Variants in SDCCAG8 observed in about 807,000 individuals in gnomAD.
SDCCAG8 encodes the protein serologically defined colon cancer antigen 8.
A neutral mutation model predicts 101.8 loss-of-function variants in SDCCAG8; 74 were observed. The ratio of observed to expected loss-of-function variants is 0.73; its 90% CI spans 0.60 to 0.88. SDCCAG8 has a LOEUF of 0.88. SDCCAG8 is among the 40% of genes least tolerant of loss of function. The probability of loss-of-function intolerance (pLI) is 0.00; values close to 1 mark genes in which losing one functional copy is unlikely to be tolerated. For missense variants in SDCCAG8, 787 were observed against 822.6 expected (o/e 0.96, Z 0.53); for synonymous variants, 281 against 292.9 (o/e 0.96, Z 0.41).
chr1:243,375,405 A>G (rs961675252), intron 12 of SDCCAG8, among the ~76,000 whole-genome samples: 7 of 152,140 alleles, frequency 4.6e-5, no homozygotes, highest in Non-Finnish European at 4.4e-5. Flanking sequence ...AACAATAAAA[A>G]GAAAGTTAAC....
chr1:243,380,716 TCTA>T (rs1210661742), intron 13 of SDCCAG8, among the ~76,000 whole-genome samples: 2 of 152,134 alleles, frequency 1.3e-5, no homozygotes, highest in Non-Finnish European at 1.5e-5. Flanking sequence ...TTAAACCAAT[TCTA>T]CTAAAATTTA....
intron 16 of SDCCAG8, chr1:243,476,349 A>C: frequency 1.0e-6 from 1 of 985,476 alleles, no homozygotes; most frequent in East Asian, 1.1e-4. Flanking sequence ...AACCTAATTA[A>C]GATGTGTGCC....
At chr1:243,415,234 AGATAGAG>A (rs2080489791) in intron 13 of SDCCAG8, among the ~76,000 whole-genome samples, 1 of 152,168 alleles carries the variant, frequency 6.6e-6, no homozygotes, top group African/African-American at 2.4e-5. Flanking sequence ...ACTCGCCTCT[AGATAGAG>A]GCTCCTGCAT....
chr1:243,278,807 G>C (rs951985245), intron 4 of SDCCAG8, among the ~76,000 whole-genome samples: 4 of 152,066 alleles, frequency 2.6e-5, no homozygotes, highest in African/African-American at 9.7e-5. Context: ...TCTTGAGGAA[G>C]GGTCTTGCTG....
intron 12 of SDCCAG8, among the ~76,000 whole-genome samples, chr1:243,369,894 TTTCTA>T (rs1271915797): frequency 6.6e-6 from 1 of 152,120 alleles, no homozygotes; most frequent in African/African-American, 2.4e-5. Flanking sequence ...TTTTAAGACT[TTTCTA>T]TTTATTTCAA....
At position 243,475,410 on chromosome 1, in the gene SDCCAG8, T is replaced by C. The variant is rs1556977; in HGVS notation, c.1986-13604T>C. Among the ~76,000 whole-genome samples the C allele has an allele frequency of 5.4e-4, 82 of 152,258 alleles. 1 individual carries two copies. In the South Asian group the frequency reaches 0.017, roughly 31 times the overall value. On this transcript the variant is annotated intron_variant, in intron 16 of 17. Coordinates refer to ENST00000366541, the MANE Select transcript of SDCCAG8 (RefSeq NM_006642.5). ...TGAGGGGTGAGGGGCCACTGTGTAC[T>C]GTAACCGGGAGCAGCCTGGAAGAAG...
At position 243,474,017 on chromosome 1, in the gene SDCCAG8, T is replaced by C. The variant is rs1423917746; in HGVS notation, c.1986-14997T>C. On this transcript the variant is annotated intron_variant, in intron 16 of 17. Transcript: ENST00000366541. This position sits in a 1 kb window ranked among gnomAD's most constrained non-coding sequence, Gnocchi z 4.7. ...CACATGAGAAGCTTAATCACTAACA[T>C]AGAAATGTAAACGGGTTGCAGTATT... 2.1e-5 allele frequency among the ~76,000 whole-genome samples: 3 copies of C among 140,570 alleles called. No homozygotes were observed. Among genetic ancestry groups the C allele is most frequent in the South Asian group, 2.3e-4 (1 of 4,280 alleles). The allele number at this position is 140,570 out of a possible 152,430, so 92.2% of individuals were successfully genotyped here. A position where few individuals can be genotyped will look rare whatever the true frequency, so the allele number is the denominator to read the frequency against.
chr1:243,387,375 C>T (rs2078376739), intron 13 of SDCCAG8, among the ~76,000 whole-genome samples: 1 of 152,036 alleles, frequency 6.6e-6, no homozygotes, highest in South Asian at 2.1e-4. Context: ...GCCCTAAGTA[C>T]AAAACCTTAA....
At chr1:243,341,013 T>C (rs762707014) in intron 10 of SDCCAG8, 26 bp from the exon 11 acceptor site, 3 of 1,608,474 alleles carry the variant, frequency 1.9e-6, no homozygotes, top group Non-Finnish European at 2.6e-6. Context: ...GACATTATTG[T>C]TTAGGACTTT....
At chr1:243,491,687 G>A (rs926113992) in intron 17 of SDCCAG8, among the ~76,000 whole-genome samples, 1 of 152,190 alleles carries the variant, frequency 6.6e-6, no homozygotes, top group African/African-American at 2.4e-5. Flanking sequence ...CTTCTGCTGA[G>A]CCATGATGTG....
intron 12 of SDCCAG8, among the ~76,000 whole-genome samples, chr1:243,373,751 A>AT (rs2077436434): frequency 6.6e-6 from 1 of 152,160 alleles, no homozygotes; most frequent in Admixed American, 6.5e-5. Flanking sequence ...CTGGGGAGAC[A>AT]TAAGGTATTC....
At chr1:243,359,419 G>A (rs897056870) in intron 12 of SDCCAG8, among the ~76,000 whole-genome samples, 11 of 152,010 alleles carry the variant, frequency 7.2e-5, no homozygotes, top group Non-Finnish European at 1.3e-4. Context: ...TGAATTCTAT[G>A]GTGTGTGGAT....
Position 243,500,062 on chromosome 1 carries a change from A to ATGAT in SDCCAG8, c.*279_*282dup. On this transcript the variant is annotated 3_prime_UTR_variant, in exon 18 of 18. Coordinates refer to ENST00000366541, the MANE Select transcript of SDCCAG8 (RefSeq NM_006642.5). ...CTCATTCGTATGCTAGGTTATACAT[A>ATGAT]TGATTTTCAATAAATGAACTTTTTA... 4.5e-6 allele frequency: 2 copies of ATGAT among 445,668 alleles called. No homozygotes were observed. 27.6% of individuals were successfully genotyped at this position (445,668 alleles called of 1,614,324 possible).
chr1:243,280,702 G>A (rs1341653402), intron 4 of SDCCAG8, among the ~76,000 whole-genome samples: 1 of 152,116 alleles, frequency 6.6e-6, no homozygotes, highest in African/African-American at 2.4e-5. Flanking sequence ...GAAGAGTGTT[G>A]TGTCATCATC....
chr1:243,336,093 A>G (rs1483838461), intron 10 of SDCCAG8, among the ~76,000 whole-genome samples: 1 of 152,222 alleles, frequency 6.6e-6, no homozygotes, highest in Non-Finnish European at 1.5e-5. Context: ...TGGTGCTACA[A>G]TGAACATGTA....
intron 16 of SDCCAG8, among the ~76,000 whole-genome samples, chr1:243,442,694 A>T (rs868419526): frequency 6.6e-6 from 1 of 152,194 alleles, no homozygotes; most frequent in Non-Finnish European, 1.5e-5. Flanking sequence ...AAACCAAATG[A>T]CAGCCTCACA....
chr1:243,295,250 C>G (rs2070750579), intron 6 of SDCCAG8, among the ~76,000 whole-genome samples: 1 of 152,094 alleles, frequency 6.6e-6, no homozygotes, highest in Admixed American at 6.5e-5. Context: ...TTTCTTGTTT[C>G]TTTTTGAGAC....
chr1:243,441,553 TAGC>T (rs2082535714), intron 16 of SDCCAG8, among the ~76,000 whole-genome samples: 1 of 152,132 alleles, frequency 6.6e-6, no homozygotes, highest in South Asian at 2.1e-4. Context: ...TGCCTAGGAG[TAGC>T]ATTTTCTTCA....
intron 13 of SDCCAG8, among the ~76,000 whole-genome samples, chr1:243,405,867 A>T (rs1011942654): frequency 6.6e-6 from 1 of 151,880 alleles, no homozygotes; most frequent in African/African-American, 2.4e-5. Context: ...GCCACAAGGG[A>T]ACCAACATGT....
Sources: gnomAD v4.1 joint callset for allele counts (sites outside exome capture counted in the v4.1 genomes callset) on GRCh38, gnomAD v4.1.1 for gene constraint, Gnocchi (gnomAD v3.1) non-coding constraint, MANE v1.5 for transcripts, NCBI Gene and HGNC (gene_info 2026-07-23, HGNC 2026-07-21) for gene names.